DPP6: variants seen among roughly 807,000 people sequenced by gnomAD.
The protein encoded by DPP6 is dipeptidyl peptidase like 6, also known as A-type potassium channel modulatory protein DPP6.
In DPP6, 69 loss-of-function variants were observed where a neutral mutation model predicts 122.6. The ratio of observed to expected loss-of-function variants is 0.56; its 90% CI spans 0.46 to 0.69. The LOEUF is 0.69. DPP6 is among the 30% of genes least tolerant of loss of function. The pLI is 0.00. For synonymous variants in DPP6, 418 were observed against 433.1 expected, an observed-to-expected ratio of 0.97 and a Z score of 0.43; for missense variants, 928 against 1,116.9, an observed-to-expected ratio of 0.83 and a Z score of 2.41.
chr7:154,485,621 G>T (rs1823717639), intron 3 of DPP6, among the ~76,000 whole-genome samples: 1 of 152,194 alleles, frequency 6.6e-6, no homozygotes, highest in African/African-American at 2.4e-5. Context: ...TTCTGCAAAA[G>T]TTTCCTATTG....
At chr7:153,936,097 C>T (rs1046308013) in intron 1 of DPP6, among the ~76,000 whole-genome samples, 1 of 152,214 alleles carries the variant, frequency 6.6e-6, no homozygotes, top group African/African-American at 2.4e-5. Flanking sequence ...GCTATTCTGT[C>T]TGTACCGGCA....
intron 16 of DPP6, among the ~76,000 whole-genome samples, chr7:154,820,183 C>G (rs1298929332): frequency 6.6e-6 from 1 of 152,216 alleles, no homozygotes; most frequent in African/African-American, 2.4e-5. Flanking sequence ...GTATAGCCAA[C>G]AGGGCACCAC....
rs140047261 is a variant in DPP6, at chr7:154,284,484, C to T, written c.244-161730C>T. 1.7e-3 allele frequency among the ~76,000 whole-genome samples: 266 copies of T among 152,222 alleles called. 2 individuals are homozygous for T. The highest frequency in any genetic ancestry group is 6.0e-3 in the African/African-American group (248 of 41,528). On this transcript the variant is annotated intron_variant, in intron 1 of 25. Coordinates refer to ENST00000377770, the MANE Select transcript of DPP6 (RefSeq NM_130797.4). The stretch of plus-strand genomic sequence containing the variant: ...ATGGATCAATAAAATGTGGTATATC[C>T]GTACAATGGAATATTATTCAGCCTT...
At chr7:154,640,263 A>AAAC (rs1047494016) in intron 6 of DPP6, among the ~76,000 whole-genome samples, 9 of 150,464 alleles carry the variant, frequency 6.0e-5, no homozygotes, top group Non-Finnish European at 1.3e-4. Flanking sequence ...ACAAAAACAA[A>AAAC]AACAACAATT....
At chr7:154,061,690 C>A (rs1801932335) in intron 1 of DPP6, among the ~76,000 whole-genome samples, 1 of 86,172 alleles carries the variant, frequency 1.2e-5, no homozygotes, top group African/African-American at 4.2e-5. Context: ...CTTGGGACCA[C>A]CATCGCAGGG....
At chr7:154,776,269 TAGAC>T (rs946466983) in intron 10 of DPP6, among the ~76,000 whole-genome samples, 1 of 147,940 alleles carries the variant, frequency 6.8e-6, no homozygotes, top group African/African-American at 2.5e-5. Flanking sequence ...AGATGATTGA[TAGAC>T]AGATAGATAG....
At chr7:153,793,465 C>T in the DPP6 span, among the ~76,000 whole-genome samples, 1 of 140,526 alleles carries the variant, frequency 7.1e-6, no homozygotes, top group African/African-American at 2.6e-5. Context: ...AATTTCTAAG[C>T]AGCAAAACAT....
At chr7:153,887,234 G>A (rs1414194356) in exon 1 of DPP6, 1 of 153,290 alleles carries the variant, frequency 6.5e-6, no homozygotes, top group East Asian at 2.0e-4. Context: ...GGAGCCCCCG[G>A]AGCCGGGGCC....
At chr7:154,106,541 A>G (rs1337477188) in intron 1 of DPP6, among the ~76,000 whole-genome samples, 1 of 136,622 alleles carries the variant, frequency 7.3e-6, no homozygotes, top group East Asian at 2.1e-4. Flanking sequence ...TTGTGGAGGT[A>G]AGAGGCAGTG....
At chr7:154,790,409 T>G (rs1487113094) in intron 10 of DPP6, among the ~76,000 whole-genome samples, 2 of 152,190 alleles carry the variant, frequency 1.3e-5, no homozygotes, top group East Asian at 3.9e-4. Flanking sequence ...AATGTGAGAA[T>G]CACGGCTTCC....
At chr7:154,218,366 G>A (rs925320192) in intron 1 of DPP6, among the ~76,000 whole-genome samples, 2 of 152,146 alleles carry the variant, frequency 1.3e-5, no homozygotes, top group Non-Finnish European at 2.9e-5. Context: ...ATCTTTCAAG[G>A]TAACCAAAAT....
At chr7:154,348,012 G>A (rs989346339) in intron 1 of DPP6, among the ~76,000 whole-genome samples, 1 of 152,172 alleles carries the variant, frequency 6.6e-6, no homozygotes, top group Non-Finnish European at 1.5e-5. Context: ...TGGCAGTGTT[G>A]CCTTTTGACG....
At chr7:154,756,068 G>C (rs1459948733) in intron 8 of DPP6, among the ~76,000 whole-genome samples, 1 of 152,248 alleles carries the variant, frequency 6.6e-6, no homozygotes, top group Admixed American at 6.5e-5. Flanking sequence ...TGGCAGGACA[G>C]CGGTCATCTG....
At chr7:154,245,634 T>TCAAAAAAAAAAAA (rs1801931289) in intron 1 of DPP6, among the ~76,000 whole-genome samples, 1 of 24,146 alleles carries the variant, frequency 4.1e-5, no homozygotes, top group African/African-American at 2.0e-4. Flanking sequence ...TAAGACTGTC[T>TCAAAAAAAAAAAA]CAAAAAAAAA....
intron 6 of DPP6, among the ~76,000 whole-genome samples, chr7:154,649,894 G>T (rs1836760209): frequency 6.6e-6 from 1 of 152,230 alleles, no homozygotes; most frequent in South Asian, 2.1e-4. Context: ...CCTCAGGAGT[G>T]GTTGAGAAAG....
the DPP6 span, among the ~76,000 whole-genome samples, chr7:153,828,068 TCCCACATCAC>T: frequency 0.11 from 15,974 of 152,048 alleles, 893 homozygotes; most frequent in Non-Finnish European, 0.12. Flanking sequence ...AGGGTCTGAA[TCCCACATCAC>T]CCCACAGCAG....
chr7:153,890,754 G>A (rs1799158384), intron 1 of DPP6, among the ~76,000 whole-genome samples: 1 of 133,694 alleles, frequency 7.5e-6, no homozygotes, highest in African/African-American at 3.0e-5. Flanking sequence ...GTGCAGTGCA[G>A]TAGCGCAATC....
chr7:154,052,891 CGA>C lies in DPP6; in HGVS notation c.73_74del (p.His26ProfsTer52). On this transcript the variant is annotated frameshift_variant, in exon 1 of 26. Transcript: ENST00000377770. LOFTEE classifies it high-confidence loss of function. This position sits in a 1 kb window ranked among gnomAD's most constrained non-coding sequence, Gnocchi z 4.8. ...AGGTCCTTCCCCGCGCCCCCGGAGG[CGA>C]GTCACCTCCTGGGCGGCCAGGGGCC... The C allele has an allele frequency of 6.5e-7, 1 of 1,528,726 alleles. No homozygotes were observed. Among genetic ancestry groups the C allele is most frequent in the Non-Finnish European group, 8.8e-7 (1 of 1,138,192 alleles). The allele number at this position is 1,528,726 out of a possible 1,614,324, so 94.7% of individuals were successfully genotyped here.
chr7:154,313,729 G>GCACACACACA (rs200018112), intron 1 of DPP6, among the ~76,000 whole-genome samples: 1 of 59,678 alleles, frequency 1.7e-5, no homozygotes, highest in Non-Finnish European at 3.8e-5. Flanking sequence ...ACACACGCAC[G>GCACACACACA]CACACACACA....
Sources: gnomAD v4.1 joint callset for allele counts (sites outside exome capture counted in the v4.1 genomes callset) on GRCh38, gnomAD v4.1.1 for gene constraint, Gnocchi (gnomAD v3.1) non-coding constraint, MANE v1.5 for transcripts, NCBI Gene and HGNC (gene_info 2026-07-23, HGNC 2026-07-21) for gene names.